Variants in DLGAP2 observed in about 807,000 individuals in gnomAD.
DLGAP2 encodes the protein disks large-associated protein 2.
In DLGAP2, 26 loss-of-function variants were observed where a neutral mutation model predicts 100.3. The observed-to-expected ratio is 0.26, with a 90% CI of 0.19 to 0.36. DLGAP2 has a LOEUF of 0.36. Among genes scored for constraint, DLGAP2 ranks in the 10% least tolerant of loss-of-function variants. The probability of loss-of-function intolerance (pLI) is 1.00; values close to 1 mark genes in which losing one functional copy is unlikely to be tolerated. For synonymous variants in DLGAP2, 886 were observed against 630.1 expected, an observed-to-expected ratio of 1.41 and a Z score of -6.08; for missense variants, 1,858 against 1,453.2, an observed-to-expected ratio of 1.28 and a Z score of -4.53.
intron 2 of DLGAP2, among the ~76,000 whole-genome samples, chr8:922,773 A>C (rs1303031801): frequency 1.3e-5 from 2 of 152,228 alleles, no homozygotes; most frequent in Non-Finnish European, 2.9e-5. Flanking sequence ...ATTGCTAAAC[A>C]GGTATTCAGG....
Position 1,095,438 on chromosome 8 carries a change from C to T in DLGAP2, c.74-163413C>T, listed in dbSNP as rs955452112. 3.3e-5 allele frequency among the ~76,000 whole-genome samples: 5 copies of T among 152,154 alleles called. No individual in the cohort carries two copies. The South Asian group carries it at 6.2e-4, about 19-fold the overall frequency. ...TGGGATCCTCCATCAGGGCTGCTTC[C>T]GGTTACACTTGACTTCCTGGCGGTG... On this transcript the variant is annotated intron_variant, in intron 2 of 14. Transcript: ENST00000637795.
intron 3 of DLGAP2, among the ~76,000 whole-genome samples, chr8:1,415,058 A>G (rs1368427217): frequency 6.6e-6 from 1 of 152,162 alleles, no homozygotes. Flanking sequence ...TCCCTGTATT[A>G]TACTTGTCCA....
At chr8:1,640,539 G>A (rs536866334) in intron 8 of DLGAP2, among the ~76,000 whole-genome samples, 4 of 152,242 alleles carry the variant, frequency 2.6e-5, no homozygotes, top group African/African-American at 7.2e-5. Flanking sequence ...CCATTAGAAC[G>A]TCTCAGAAAC....
chr8:1,039,657 TG>T (rs1563158888), intron 2 of DLGAP2, among the ~76,000 whole-genome samples: 1,229 of 50,878 alleles, frequency 0.024, 301 homozygotes, highest in African/African-American at 0.038. Context: ...GTCAGCTCGG[TG>T]TGGGTGGTCA....
chr8:1,529,112 T>TCA (rs1227231466), intron 4 of DLGAP2, among the ~76,000 whole-genome samples: 2 of 152,194 alleles, frequency 1.3e-5, no homozygotes, highest in Non-Finnish European at 2.9e-5. Context: ...TTTAATTGAC[T>TCA]CACAGTTCAG....
At chr8:1,109,171 GTGTGC>G (rs1287320945) in intron 2 of DLGAP2, among the ~76,000 whole-genome samples, 5 of 75,826 alleles carry the variant, frequency 6.6e-5, no homozygotes, top group African/African-American at 2.7e-4. Flanking sequence ...GGTCTGTGAG[GTGTGC>G]ATGGGTCTGT....
At chr8:1,617,836 C>T (rs1033332920) in intron 6 of DLGAP2, among the ~76,000 whole-genome samples, 2 of 151,982 alleles carry the variant, frequency 1.3e-5, no homozygotes, top group Admixed American at 6.6e-5. Context: ...TTGATTAACC[C>T]AAAAGAAAGC....
chr8:1,185,381 G>A (rs1797477571), intron 2 of DLGAP2, among the ~76,000 whole-genome samples: 1 of 152,084 alleles, frequency 6.6e-6, no homozygotes, highest in African/African-American at 2.4e-5. Context: ...CACTTTCAGG[G>A]CCATCTGCAG....
intron 2 of DLGAP2, among the ~76,000 whole-genome samples, chr8:1,094,252 G>A (rs769153400): frequency 1.3e-5 from 2 of 152,208 alleles, no homozygotes; most frequent in African/African-American, 4.8e-5. Flanking sequence ...TCCAACGCGA[G>A]TAAAGCTTTC....
At chr8:1,626,607 G>T in intron 6 of DLGAP2, 133 bp from the exon 7 acceptor site, 1 of 1,148,834 alleles carries the variant, frequency 8.7e-7, no homozygotes, top group Non-Finnish European at 1.2e-6. Context: ...TCTGGGTGTG[G>T]GTTGGACGGT....
Position 1,252,368 on chromosome 8 carries a change from C to A in DLGAP2, c.74-6483C>A, listed in dbSNP as rs529749601. Among the ~76,000 whole-genome samples, 124 of 143,912 alleles carry A rather than the reference C, an allele frequency of 8.6e-4. 2 individuals carry two copies. The highest frequency in any genetic ancestry group is 4.4e-3 in the South Asian group (20 of 4,518). The allele number at this position is 143,912 out of a possible 152,430, so 94.4% of individuals were successfully genotyped here. On this transcript the variant is annotated intron_variant, in intron 2 of 14. Transcript: ENST00000637795. ...GTCATGTCATGTCACACTTGCCACA[C>A]TGTGGTGTTGTCACATGGGTGTGTT...
intron 2 of DLGAP2, among the ~76,000 whole-genome samples, chr8:1,166,160 G>C (rs1264313230): frequency 6.6e-6 from 1 of 152,126 alleles, no homozygotes; most frequent in Non-Finnish European, 1.5e-5. Flanking sequence ...GCCTCTTTGA[G>C]GTCTTGTTTG....
At chr8:1,046,904 C>T (rs759042933) in intron 2 of DLGAP2, among the ~76,000 whole-genome samples, 1 of 151,748 alleles carries the variant, frequency 6.6e-6, no homozygotes, top group African/African-American at 2.4e-5. Flanking sequence ...GGTAAATGCA[C>T]GCCAGGTTTG....
intron 6 of DLGAP2, among the ~76,000 whole-genome samples, chr8:1,584,495 G>C (rs991275242): frequency 6.6e-6 from 1 of 152,152 alleles, no homozygotes; most frequent in Middle Eastern, 3.2e-3. Flanking sequence ...GTGGGCTGCT[G>C]GCTCTTCATT....
In DLGAP2 at chr8:1,256,873, C is replaced by T. The variant is rs146874589; in HGVS notation, c.74-1978C>T. ...CGTGTCCCCTGGGTAACAGGAGCCC[C>T]GCCTCCCTCCACAGGCCTTGTGAAT... On this transcript the variant is annotated intron_variant, in intron 2 of 14. Transcript: ENST00000637795. Among the ~76,000 whole-genome samples, 1,302 of 152,220 alleles carry T rather than the reference C, an allele frequency of 8.6e-3. 12 individuals are homozygous for T. The highest frequency in any genetic ancestry group is 0.014 in the Non-Finnish European group (978 of 68,008).
In DLGAP2 at chr8:980,913, G is replaced by A. The variant is rs572138930; in HGVS notation, c.73+72947G>A. Among the ~76,000 whole-genome samples the A allele has an allele frequency of 2.1e-3, 314 of 152,276 alleles. 3 individuals carry two copies. The highest frequency in any genetic ancestry group is 0.01 in the Middle Eastern group (3 of 294). On this transcript the variant is annotated intron_variant, in intron 2 of 14. Transcript: ENST00000637795. ...GAGGAGCTGAGACATTCGTGTGATA[G>A]TGGCAAAATGTACATAACATAAAAT... is the stretch of plus-strand genomic sequence containing the variant.
chr8:925,244 G>A (rs1798788631), intron 2 of DLGAP2, among the ~76,000 whole-genome samples: 3 of 152,062 alleles, frequency 2.0e-5, no homozygotes, highest in South Asian at 2.1e-4. Context: ...TAGCTGGGAC[G>A]ACAGGTGCAC....
intron 2 of DLGAP2, among the ~76,000 whole-genome samples, chr8:942,536 C>T (rs770040243): frequency 6.6e-6 from 1 of 152,266 alleles, no homozygotes; most frequent in Admixed American, 6.5e-5. Flanking sequence ...CATTTCTAAA[C>T]TCCATAGATG....
chr8:1,047,056 C>T (rs1225198846), intron 2 of DLGAP2, among the ~76,000 whole-genome samples: 1 of 152,150 alleles, frequency 6.6e-6, no homozygotes, highest in East Asian at 1.9e-4. Flanking sequence ...AATATATTCA[C>T]AGAGTTGTGC....
Sources: gnomAD v4.1 joint callset for allele counts (sites outside exome capture counted in the v4.1 genomes callset) on GRCh38, gnomAD v4.1.1 for gene constraint, MANE v1.5 for transcripts, NCBI Gene and HGNC (gene_info 2026-07-23, HGNC 2026-07-21) for gene names.